The following NOSTRIN variants were observed in gnomAD, a reference collection of about 807,000 sequenced individuals.
NOSTRIN encodes nitric oxide synthase trafficking.
NOSTRIN carries 63 observed loss-of-function variants against 59.0 expected under a neutral mutation model. The ratio of observed to expected loss-of-function variants is 1.07; its 90% CI spans 0.87 to 1.32. NOSTRIN has a LOEUF of 1.32. Ranked by LOEUF, NOSTRIN falls within the 40% of genes most tolerant of loss-of-function variation. The probability of loss-of-function intolerance (pLI) is 0.00; values close to 1 mark genes in which losing one functional copy is unlikely to be tolerated. For synonymous variants in NOSTRIN, 200 were observed against 165.4 expected (o/e 1.21, Z -1.61); for missense variants, 512 against 473.1 (o/e 1.08, Z -0.76).
At position 168,851,383 on chromosome 2, in the gene NOSTRIN, G is replaced by A. The variant is rs1477704689; in HGVS notation, c.834G>A (p.Glu278=). 1.2e-6 allele frequency: 2 copies of A among 1,611,940 alleles called. No individual in the cohort carries two copies. Reference sequence around the variant, plus strand: ...TTTTATCTACAGAAAACAAATCTGAGTTCCTGTTAACGGATTACTTTGTGA... The same window carrying A: ...TTTTATCTACAGAAAACAAATCTGAATTCCTGTTAACGGATTACTTTGTGA... The part of the protein sequence containing the change: ...TAILSTENKS[E]FLLTDYFEED... The change falls in exon 10 of 16, where the codon GAG becomes GAA. Residue 278 remains glutamate, a synonymous_variant. Transcript: ENST00000317647.
upstream of NOSTRIN, among the ~76,000 whole-genome samples, chr2:168,795,405 C>G (rs1182219668): frequency 6.6e-6 from 1 of 152,224 alleles, no homozygotes; most frequent in Non-Finnish European, 1.5e-5. Context: ...TCCTTGTTCT[C>G]ATGCTTTCCT....
At chr2:168,836,616 G>A (rs1278014460) in intron 7 of NOSTRIN, among the ~76,000 whole-genome samples, 1 of 152,116 alleles carries the variant, frequency 6.6e-6, no homozygotes, top group African/African-American at 2.4e-5. Context: ...CCCACCAGAA[G>A]CTGATCTAAA....
At chr2:168,816,895 T>A (rs1487445827) in intron 2 of NOSTRIN, among the ~76,000 whole-genome samples, 4 of 152,190 alleles carry the variant, frequency 2.6e-5, no homozygotes, top group African/African-American at 9.6e-5. Context: ...AAGGCACTCA[T>A]AACGTTAATG....
chr2:168,855,378 TAA>T lies in NOSTRIN; in HGVS notation c.884_885del (p.Lys295ArgfsTer19). 3 of 1,605,024 alleles carry T rather than the reference TAA, an allele frequency of 1.9e-6. No individual in the cohort carries two copies. The highest frequency in any genetic ancestry group is 2.6e-6 in the Non-Finnish European group (3 of 1,173,132). On this transcript the variant is annotated frameshift_variant, in exon 11 of 16. Transcript: ENST00000317647. LOFTEE classifies it high-confidence loss of function. Reference protein sequence around the residue: ...FEEDPNSAMDKERRKSLLKPK... With the variant: ...FEEDPNSAMDXERRKSLLKPK... ...AAGAAGATCCTAACAGTGCAATGGA[TAA>T]AGAGAGACGAAAGTCTTTACTAAAA...
intron 13 of NOSTRIN, among the ~76,000 whole-genome samples, chr2:168,860,425 C>A (rs988177294): frequency 6.6e-6 from 1 of 152,180 alleles, no homozygotes; most frequent in Non-Finnish European, 1.5e-5. Flanking sequence ...AATCCCAGAA[C>A]TTTGGGAGGC....
At chr2:168,799,659 G>A (rs1050035852), upstream of NOSTRIN, among the ~76,000 whole-genome samples, 1 of 152,232 alleles carries the variant, frequency 6.6e-6, no homozygotes, top group Non-Finnish European at 1.5e-5. Context: ...GCCCTTATCC[G>A]TCTAGAGTCT....
intron 1 of NOSTRIN, among the ~76,000 whole-genome samples, chr2:168,809,634 C>G (rs1028453216): frequency 8.6e-5 from 13 of 151,296 alleles, no homozygotes; most frequent in African/African-American, 3.2e-4. Context: ...GAAAATACTC[C>G]CTTAAACTTT....
chr2:168,812,255 C>A (rs1686179419), intron 2 of NOSTRIN, among the ~76,000 whole-genome samples: 3 of 152,054 alleles, frequency 2.0e-5, no homozygotes, highest in South Asian at 2.1e-4. Flanking sequence ...TATAAGGGAC[C>A]TTTTAGGCCT....
intron 2 of NOSTRIN, among the ~76,000 whole-genome samples, chr2:168,788,643 G>A (rs1340036787): frequency 6.6e-6 from 1 of 152,096 alleles, no homozygotes; most frequent in Non-Finnish European, 1.5e-5. Context: ...GTGGGAGATG[G>A]GTTACATAGG....
At chr2:168,862,132 C>T in intron 15 of NOSTRIN, 83 bp downstream of exon 15, 1 of 1,232,700 alleles carries the variant, frequency 8.1e-7, no homozygotes, top group Non-Finnish European at 1.2e-6. Flanking sequence ...AGTGTGGCAG[C>T]CTTAAGAGTT....
At chr2:168,803,852 A>C (rs1274032184) in intron 1 of NOSTRIN, among the ~76,000 whole-genome samples, 1 of 152,206 alleles carries the variant, frequency 6.6e-6, no homozygotes, top group Non-Finnish European at 1.5e-5. Context: ...ATTTTTAAGA[A>C]GTCTTTTATC....
chr2:168,789,492 G>C (rs868659195), intron 2 of NOSTRIN, among the ~76,000 whole-genome samples: 1 of 152,170 alleles, frequency 6.6e-6, no homozygotes, highest in Admixed American at 6.5e-5. Flanking sequence ...AGAAGCACCT[G>C]CCCCAATAAC....
intron 2 of NOSTRIN, among the ~76,000 whole-genome samples, chr2:168,817,248 T>C (rs1415647904): frequency 2.0e-5 from 3 of 152,194 alleles, no homozygotes; most frequent in Non-Finnish European, 4.4e-5. Context: ...CTGCCCTGGG[T>C]GACCCAACAT....
intron 7 of NOSTRIN, among the ~76,000 whole-genome samples, chr2:168,838,786 A>AACT (rs1199087405): frequency 8.3e-6 from 1 of 120,350 alleles, no homozygotes; most frequent in African/African-American, 3.7e-5. Flanking sequence ...AATAAAAAAA[A>AACT]CTCTTTTTTT....
chr2:168,804,613 G>C (rs897858021), intron 1 of NOSTRIN, among the ~76,000 whole-genome samples: 2 of 152,142 alleles, frequency 1.3e-5, no homozygotes, highest in African/African-American at 4.8e-5. Flanking sequence ...AGAACCCAAA[G>C]CTTTAACCAC....
chr2:168,863,164 G>GTTTC (rs1176021095), intron 15 of NOSTRIN, among the ~76,000 whole-genome samples: 2 of 152,128 alleles, frequency 1.3e-5, no homozygotes, highest in Non-Finnish European at 2.9e-5. Context: ...ATTCTAAGCA[G>GTTTC]TTTCTTTAAA....
intron 12 of NOSTRIN, 67 bp from the exon 13 acceptor site, chr2:168,859,445 A>G: frequency 1.9e-6 from 3 of 1,586,430 alleles, no homozygotes; most frequent in African/African-American, 1.4e-5. Context: ...AGTTATTCTG[A>G]TATTCCTATC....
intron 15 of NOSTRIN, among the ~76,000 whole-genome samples, chr2:168,863,225 A>ATTAT (rs1323799211): frequency 3.9e-5 from 6 of 152,252 alleles, no homozygotes; most frequent in Non-Finnish European, 7.3e-5. Flanking sequence ...ATTTGAAATC[A>ATTAT]TTATTTGTTT....
intron 7 of NOSTRIN, among the ~76,000 whole-genome samples, chr2:168,835,846 C>T (rs757976518): frequency 3.8e-4 from 58 of 152,084 alleles, no homozygotes; most frequent in Admixed American, 7.9e-4. Context: ...AAAATGAACA[C>T]GAATAATATT....
Sources: allele counts gnomAD v4.1 joint callset (sites outside exome capture counted in the v4.1 genomes callset), GRCh38; gene constraint gnomAD v4.1.1; transcripts MANE v1.5; gene names NCBI Gene and HGNC (gene_info 2026-07-23, HGNC 2026-07-21).